Variants in NFATC4 observed in about 807,000 individuals in gnomAD.
The protein encoded by NFATC4 is nuclear factor of activated T cells 4, also known as nuclear factor of activated T-cells, cytoplasmic 4.
In NFATC4, 25 loss-of-function variants were observed where a neutral mutation model predicts 73.4. The ratio of observed to expected loss-of-function variants is 0.34; its 90% CI spans 0.25 to 0.48. NFATC4 has a LOEUF of 0.48. NFATC4 is among the 20% of genes least tolerant of loss of function. NFATC4 has a pLI of 0.99. For missense variants in NFATC4, 1,130 were observed against 1,203.7 expected, an observed-to-expected ratio of 0.94 and a Z score of 0.91; for synonymous variants, 523 against 510.3, an observed-to-expected ratio of 1.02 and a Z score of -0.34.
chr14:24,371,960 AG>A (rs1217889639), intron 2 of NFATC4: 2 of 153,756 alleles, frequency 1.3e-5, no homozygotes, highest in Non-Finnish European at 2.9e-5. Flanking sequence ...GGCCTCCCAA[AG>A]TGCTGGGATT....
Position 24,369,889 on chromosome 14 carries a change from G to T in NFATC4, c.491G>T (p.Gly164Val). 1 of 1,611,486 alleles carries T rather than the reference G, an allele frequency of 6.2e-7. No homozygotes were observed. The highest frequency in any genetic ancestry group is 8.5e-7 in the Non-Finnish European group (1 of 1,179,286). The change falls in exon 2 of 10, where the codon GGG (glycine) becomes GTG (valine). Residue 164 changes from glycine (G) to valine (V), a missense_variant. Coordinates refer to ENST00000250373, the MANE Select transcript of NFATC4 (RefSeq NM_004554.5). ...AGAGAAGCAGGGGGCCAGGGTGGGGGGGCCTTCTTCAGCCCAAGCCCTGGC... is the reference window on the plus strand; with the variant it reads ...AGAGAAGCAGGGGGCCAGGGTGGGGTGGCCTTCTTCAGCCCAAGCCCTGGC... Reference protein sequence around the residue: ...GYREAGGQGGGAFFSPSPGSS... With the variant: ...GYREAGGQGGVAFFSPSPGSS...
In NFATC4 at chr14:24,373,905, G is replaced by T. The variant is rs1198783770; in HGVS notation, c.1732+38G>T. 6.2e-7 allele frequency: 1 copy of T among 1,612,264 alleles called. No individual in the cohort carries two copies. Among genetic ancestry groups the T allele is most frequent in the African/African-American group, 1.3e-5 (1 of 74,892 alleles). On this transcript the variant is annotated intron_variant, in intron 5 of 9. Transcript: ENST00000250373. This position sits in a 1 kb window ranked among gnomAD's most constrained non-coding sequence, Gnocchi z 4.7. ...GCCCTGGGCCATGTCTCTGTCTCTT[G>T]CAACTCTTTTGTCTGTGTGTGTGTG...
chr14:24,377,454 AT>A lies in NFATC4; in HGVS notation c.2642-181del, dbSNP rs2042654537. The A allele has an allele frequency of 7.0e-7, 1 of 1,431,182 alleles. No homozygotes were observed. Among genetic ancestry groups the A allele is most frequent in the Non-Finnish European group, 9.1e-7 (1 of 1,095,950 alleles). 88.7% of individuals were successfully genotyped at this position (1,431,182 alleles called of 1,614,324 possible). A position where few individuals can be genotyped will look rare whatever the true frequency, so the allele number is the denominator to read the frequency against. ...GCCCACATGGAGGGAGTTGGGCAAG[AT>A]TTGATTCGGAGCAGGTGTCAAGACG... On this transcript the variant is annotated intron_variant, in intron 9 of 9. Transcript: ENST00000250373. This position sits in a 1 kb window ranked among gnomAD's most constrained non-coding sequence, Gnocchi z 4.2.
In NFATC4 at chr14:24,370,213, C is replaced by T; in HGVS notation, c.815C>T (p.Ser272Phe). The change falls in exon 2 of 10, where the codon TCC becomes TTC. Residue 272 changes from serine (S) to phenylalanine (F), a missense_variant. Ser to Phe is a radical substitution (Grantham distance 155). Around this residue, in one of 3 missense-constraint regions of NFATC4, gnomAD observed 585 missense variants for 574.3 expected, o/e 1.02. Transcript: ENST00000250373. ...PASPCGKRRY[S>F]SSGTPSSASP... ...TCTCCATGTGGCAAGCGGCGCTATT[C>T]CAGCTCGGGAACCCCATCTTCAGCC... 1 of 1,610,242 alleles carries T rather than the reference C, an allele frequency of 6.2e-7. No homozygotes were observed. The highest frequency in any genetic ancestry group is 8.5e-7 in the Non-Finnish European group (1 of 1,179,928).
rs2042411108 is a variant in NFATC4, at chr14:24,369,634, C to A, written c.236C>A (p.Ala79Asp). The part of the protein sequence containing the change: ...PGMHSPPPRP[A>D]PSPGTWESQP... ...ATGCATTCGCCACCGCCGCGACCAG[C>A]CCCCTCACCTGGCACCTGGGAGAGC... Residue 79 changes from alanine to aspartate, a missense_variant, in exon 2 of 10, where the codon GCC becomes GAC. Transcript: ENST00000250373. 2 of 1,613,102 alleles carry A rather than the reference C, an allele frequency of 1.2e-6. No homozygotes were observed. Among genetic ancestry groups the A allele is most frequent in the Non-Finnish European group, 1.7e-6 (2 of 1,179,810 alleles).
chr14:24,367,662 G>A, upstream of NFATC4: 3 of 1,535,864 alleles, frequency 2.0e-6, no homozygotes, highest in Admixed American at 3.9e-5. Context: ...AGGCAAGGGA[G>A]GCGGAAGAAT....
Position 24,369,419 on chromosome 14 carries a change from C to A in NFATC4, c.101-80C>A, listed in dbSNP as rs780556597. The A allele has an allele frequency of 1.9e-5, 31 of 1,607,662 alleles. No homozygotes were observed. The Middle Eastern group carries it at 4.9e-4, about 26-fold the overall frequency. On this transcript the variant is annotated intron_variant, in intron 1 of 9. Transcript: ENST00000250373. Reference sequence around the variant, plus strand: ...CAGGGAGCATAGAAGGACTTGCGGCCTGGCCACTCAAGGAACATAGCCATC... The same window carrying A: ...CAGGGAGCATAGAAGGACTTGCGGCATGGCCACTCAAGGAACATAGCCATC...
rs1417627430 is a variant in NFATC4, at chr14:24,370,066, G to A, written c.668G>A (p.Arg223Gln). The A allele has an allele frequency of 3.1e-6, 5 of 1,606,760 alleles. No individual in the cohort carries two copies. The highest frequency in any genetic ancestry group is 4.5e-5 in the East Asian group (2 of 44,860). Reference sequence around the variant, plus strand: ...CTGCCCTCGCCCCGGGCCTCCCCTCGGCCATGGACCCCCGAAGATCCCTGG... The same window carrying A: ...CTGCCCTCGCCCCGGGCCTCCCCTCAGCCATGGACCCCCGAAGATCCCTGG... ...SPLPSPRASP[R>Q]PWTPEDPWSL... The change falls in exon 2 of 10, where the codon CGG (arginine) becomes CAG (glutamine). Residue 223 changes from arginine (R) to glutamine (Q), a missense_variant. Transcript: ENST00000250373.
At chr14:24,367,621 G>T, upstream of NFATC4, 1 of 1,536,154 alleles carries the variant, frequency 6.5e-7, no homozygotes, top group South Asian at 1.2e-5. Flanking sequence ...GCAGCGCAAA[G>T]ACTTCCAGAA....
In NFATC4 at chr14:24,370,109, C is replaced by A. The variant is rs370335399; in HGVS notation, c.711C>A (p.Ser237Arg). Residue 237 changes from serine to arginine, a missense_variant, in exon 2 of 10, where the codon AGC (serine) becomes AGA (arginine). Physicochemically the swap from Ser to Arg is moderately radical, Grantham distance 110. Transcript: ENST00000250373. ...PEDPWSLYGP[S>R]PGGRGPEDSW... ...ATCCCTGGAGCCTGTATGGTCCAAG[C>A]CCCGGAGGCCGAGGGCCAGAGGATA... 1 of 1,603,964 alleles carries A rather than the reference C, an allele frequency of 6.2e-7. No individual in the cohort carries two copies. Among genetic ancestry groups the A allele is most frequent in the Non-Finnish European group, 8.5e-7 (1 of 1,179,660 alleles).
Position 24,373,977 on chromosome 14 carries a change from G to C in NFATC4, c.1732+110G>C, listed in dbSNP as rs376632262. The C allele has an allele frequency of 6.9e-7, 1 of 1,459,612 alleles. No individual in the cohort carries two copies. The highest frequency in any genetic ancestry group is 2.4e-5 in the East Asian group (1 of 40,884). The allele number at this position is 1,459,612 out of a possible 1,614,324, so 90.4% of individuals were successfully genotyped here. A position where few individuals can be genotyped will look rare whatever the true frequency, so the allele number is the denominator to read the frequency against. ...CAGCGTCCTGTGCCCTGTCTGTCCT[G>C]GGTAGCTCTATAGAGGACTCAGCTT... On this transcript the variant is annotated intron_variant, in intron 5 of 9. Transcript: ENST00000250373. The surrounding 1 kb of genome is among the most constrained non-coding windows in gnomAD (Gnocchi z 4.7).
Position 24,373,144 on chromosome 14 carries a change from G to T in NFATC4, c.1360-27G>T, listed in dbSNP as rs1264923715. 2 of 1,608,286 alleles carry T rather than the reference G, an allele frequency of 1.2e-6. No individual in the cohort carries two copies. Among genetic ancestry groups the T allele is most frequent in the Non-Finnish European group, 1.7e-6 (2 of 1,175,270 alleles). ...AGGATGAGACGGTGGGGATTTCAAT[G>T]AGGTGGCCGCTCTCTCCCTCTGCCA... On this transcript the variant is annotated intron_variant, in intron 3 of 9. Transcript: ENST00000250373. The surrounding 1 kb of genome is among the most constrained non-coding windows in gnomAD (Gnocchi z 4.7).
In NFATC4 at chr14:24,373,076, C is replaced by A; in HGVS notation, c.1360-95C>A. The A allele has an allele frequency of 1.6e-6, 2 of 1,258,078 alleles. No individual in the cohort carries two copies. Among genetic ancestry groups the A allele is most frequent in the Non-Finnish European group, 2.2e-6 (2 of 894,194 alleles). The allele number at this position is 1,258,078 out of a possible 1,614,324, so 77.9% of individuals were successfully genotyped here. The stretch of plus-strand genomic sequence containing the variant: ...CTTGCAGGATATCCTTTATCTTTCA[C>A]CATTCCCATCCCATGGTAGACTGAA... On this transcript the variant is annotated intron_variant, in intron 3 of 9. Coordinates refer to ENST00000250373, the MANE Select transcript of NFATC4 (RefSeq NM_004554.5). The surrounding 1 kb of genome is among the most constrained non-coding windows in gnomAD (Gnocchi z 4.7).
rs537685282 is a variant in NFATC4, at chr14:24,375,283, G to A, written c.1874-377G>A. ...CAGAGGTTCTAGGTCATGATACTTG[G>A]GGGTCTCATTGCGTTCTGTCGAGCT... On this transcript the variant is annotated intron_variant, in intron 6 of 9. Coordinates refer to ENST00000250373, the MANE Select transcript of NFATC4 (RefSeq NM_004554.5). Among the ~76,000 whole-genome samples the A allele has an allele frequency of 2.6e-5, 4 of 152,174 alleles. No individual in the cohort carries two copies. The South Asian group carries it at 8.3e-4, about 32-fold the overall frequency.
Position 24,372,561 on chromosome 14 carries a change from T to C in NFATC4, c.1317T>C (p.Arg439=). The change falls in exon 3 of 10, where the codon CGT becomes CGC. Residue 439 remains arginine, a synonymous_variant. Coordinates refer to ENST00000250373, the MANE Select transcript of NFATC4 (RefSeq NM_004554.5). Reference sequence around the variant, plus strand: ...CCCACTATGAGACAGAAGGCAGCCGTGGAGCTGTCAAAGCTGCCCCTGGCG... The same window carrying C: ...CCCACTATGAGACAGAAGGCAGCCGCGGAGCTGTCAAAGCTGCCCCTGGCG... The part of the protein sequence containing the change: ...HRAHYETEGS[R]GAVKAAPGGH... 1 of 1,614,084 alleles carries C rather than the reference T, an allele frequency of 6.2e-7. No individual in the cohort carries two copies. The highest frequency in any genetic ancestry group is 1.1e-5 in the South Asian group (1 of 91,088).
In NFATC4 at chr14:24,373,947, C is replaced by A; in HGVS notation, c.1732+80C>A. 1 of 1,566,292 alleles carries A rather than the reference C, an allele frequency of 6.4e-7. No homozygotes were observed. The highest frequency in any genetic ancestry group is 8.7e-7 in the Non-Finnish European group (1 of 1,148,896). On this transcript the variant is annotated intron_variant, in intron 5 of 9. Coordinates refer to ENST00000250373, the MANE Select transcript of NFATC4 (RefSeq NM_004554.5). This position sits in a 1 kb window ranked among gnomAD's most constrained non-coding sequence, Gnocchi z 4.7. Reference sequence around the variant, plus strand: ...GTGTGTGTGTCTGTCTGCCCATTCCCTCTGCAGCGTCCTGTGCCCTGTCTG... The same window carrying A: ...GTGTGTGTGTCTGTCTGCCCATTCCATCTGCAGCGTCCTGTGCCCTGTCTG...
At position 24,370,188 on chromosome 14, in the gene NFATC4, T is replaced by C; in HGVS notation, c.790T>C (p.Ser264Pro). Residue 264 changes from serine (S) to proline (P), a missense_variant, in exon 2 of 10, where the codon TCT becomes CCT. Physicochemically the swap from Ser to Pro is moderately conservative, Grantham distance 74. Around this residue, in one of 3 missense-constraint regions of NFATC4, gnomAD observed 585 missense variants for 574.3 expected, o/e 1.02. Coordinates refer to ENST00000250373, the MANE Select transcript of NFATC4 (RefSeq NM_004554.5). ...CACCCCAGCCTCCCCGCGGCCTGCC[T>C]CTCCATGTGGCAAGCGGCGCTATTC... ...GPTPASPRPA[S>P]PCGKRRYSSS... The C allele has an allele frequency of 6.2e-7, 1 of 1,607,188 alleles. No homozygotes were observed. The highest frequency in any genetic ancestry group is 2.2e-5 in the East Asian group (1 of 44,864).
intron 6 of NFATC4, 38 bp downstream of exon 6, chr14:24,374,504 A>C (rs1206752152): frequency 6.4e-7 from 1 of 1,570,570 alleles, no homozygotes; most frequent in Non-Finnish European, 8.7e-7. Flanking sequence ...AGGCAGGGAG[A>C]GCTTGGGAGT....
chr14:24,369,847 A>G lies in NFATC4; in HGVS notation c.449A>G (p.Glu150Gly). ...DGSPRDYPPP[E>G]GFGGYREAGG... Reference sequence around the variant, plus strand: ...TCTCCTAGAGATTACCCCCCACCAGAAGGCTTTGGGGGCTACAGAGAAGCA... The same window carrying G: ...TCTCCTAGAGATTACCCCCCACCAGGAGGCTTTGGGGGCTACAGAGAAGCA... Residue 150 changes from glutamate to glycine, a missense_variant, in exon 2 of 10, where the codon GAA becomes GGA. This residue lies in a region of NFATC4 where 585 missense variants were observed against 574.3 expected (regional missense o/e 1.02). Transcript: ENST00000250373. 1 of 1,608,176 alleles carries G rather than the reference A, an allele frequency of 6.2e-7. No individual in the cohort carries two copies. Among genetic ancestry groups the G allele is most frequent in the Non-Finnish European group, 8.5e-7 (1 of 1,177,670 alleles).
Sources: gnomAD v4.1 joint callset for allele counts (sites outside exome capture counted in the v4.1 genomes callset) on GRCh38, gnomAD v4.1.1 for gene constraint, gnomAD v4.1.1 regional missense constraint, Gnocchi (gnomAD v3.1) non-coding constraint, MANE v1.5 for transcripts, NCBI Gene and HGNC (gene_info 2026-07-23, HGNC 2026-07-21) for gene names.